Variants in SULT6B1 observed in about 807,000 individuals in gnomAD.
SULT6B1 encodes the protein sulfotransferase 6B1.
In SULT6B1, 44 loss-of-function variants were observed where a neutral mutation model predicts 37.2. That is an observed-to-expected ratio of 1.18 (90% CI 0.93 to 1.52). SULT6B1 has a LOEUF of 1.52. Among genes scored for constraint, SULT6B1 ranks in the 40% most tolerant of loss-of-function variants. The probability of loss-of-function intolerance (pLI) is 0.00; values close to 1 mark genes in which losing one functional copy is unlikely to be tolerated. For missense variants in SULT6B1, 450 were observed against 361.0 expected, an observed-to-expected ratio of 1.25 and a Z score of -2.00; for synonymous variants, 140 against 126.0, an observed-to-expected ratio of 1.11 and a Z score of -0.74.
intron 4 of SULT6B1, among the ~76,000 whole-genome samples, chr2:37,178,965 G>T (rs769733267): frequency 1.3e-5 from 2 of 151,928 alleles, no homozygotes; most frequent in Non-Finnish European, 2.9e-5. Context: ...TTGTTTGTTT[G>T]TTTGTTTGTT....
chr2:37,184,347 A>T (rs1019572307), intron 2 of SULT6B1, among the ~76,000 whole-genome samples: 2 of 152,236 alleles, frequency 1.3e-5, no homozygotes, highest in Admixed American at 6.5e-5. Context: ...TTATGAGAGA[A>T]ATTCTTGTCA....
chr2:37,179,657 T>C lies in SULT6B1; in HGVS notation c.403-73A>G, dbSNP rs139753290. The C allele has an allele frequency of 3.2e-4, 419 of 1,328,904 alleles. 1 individual carries two copies. In the African/African-American group the frequency reaches 5.0e-3, roughly 16 times the overall value. The allele number at this position is 1,328,904 out of a possible 1,614,324, so 82.3% of individuals were successfully genotyped here. ...TTTGGAAAATTAAAAGGGTGAGCAA[T>C]ATCATCATGTCCACTCGTATATTAC... is the stretch of plus-strand genomic sequence containing the variant. On this transcript the variant is annotated intron_variant, in intron 3 of 6. Transcript: ENST00000535679.
chr2:37,178,076 C>A (rs1366274393), intron 4 of SULT6B1, among the ~76,000 whole-genome samples: 1 of 152,120 alleles, frequency 6.6e-6, no homozygotes, highest in African/African-American at 2.4e-5. Flanking sequence ...GAGTTTCTCA[C>A]TCTTGTTGCC....
chr2:37,173,941 C>T (rs1054537943), intron 5 of SULT6B1, among the ~76,000 whole-genome samples: 1 of 152,292 alleles, frequency 6.6e-6, no homozygotes, highest in Non-Finnish European at 1.5e-5. Context: ...TCAAATCCCA[C>T]GATGGCTTCC....
At chr2:37,170,885 T>A (rs982254885) in intron 6 of SULT6B1, among the ~76,000 whole-genome samples, 17 of 152,168 alleles carry the variant, frequency 1.1e-4, no homozygotes, top group African/African-American at 3.6e-4. Flanking sequence ...TCAGCTGCTA[T>A]CTTGTTTTCA....
chr2:37,177,955 G>C (rs1676466853), intron 4 of SULT6B1, among the ~76,000 whole-genome samples: 1 of 152,116 alleles, frequency 6.6e-6, no homozygotes, highest in Non-Finnish European at 1.5e-5. Context: ...AGACTCAAAA[G>C]AGCCACTAAA....
At chr2:37,177,473 A>C (rs1275108265) in intron 4 of SULT6B1, among the ~76,000 whole-genome samples, 1 of 145,032 alleles carries the variant, frequency 6.9e-6, no homozygotes, top group Non-Finnish European at 1.5e-5. Context: ...GCATGTTTTC[A>C]CTTATATGTG....
At chr2:37,176,978 T>C (rs748126212) in intron 4 of SULT6B1, among the ~76,000 whole-genome samples, 2 of 152,044 alleles carry the variant, frequency 1.3e-5, no homozygotes, top group Non-Finnish European at 2.9e-5. Flanking sequence ...TCAGGGTGTA[T>C]TGCAAAAAGT....
chr2:37,176,239 C>T (rs921765634), intron 4 of SULT6B1, among the ~76,000 whole-genome samples: 1 of 146,552 alleles, frequency 6.8e-6, no homozygotes, highest in African/African-American at 2.5e-5. Flanking sequence ...ACAGTGCCTG[C>T]TTCATAGTAA....
chr2:37,180,716 G>A (rs534201326), intron 3 of SULT6B1, among the ~76,000 whole-genome samples: 2 of 152,102 alleles, frequency 1.3e-5, no homozygotes, highest in East Asian at 3.9e-4. Context: ...AAACCCTGGT[G>A]CTACTAAAAA....
At position 37,195,835 on chromosome 2, in the gene SULT6B1, T is replaced by C. The variant is rs867839759; in HGVS notation, c.-22+681A>G. 5.2e-3 allele frequency among the ~76,000 whole-genome samples: 788 copies of C among 152,288 alleles called. 7 individuals are homozygous for C. Among genetic ancestry groups the C allele is most frequent in the African/African-American group, 0.018 (748 of 41,564 alleles). On this transcript the variant is annotated intron_variant, in intron 1 of 7. Coordinates refer to the SULT6B1 transcript ENST00000407963. Reference sequence around the variant, plus strand: ...GATTCAGTAGTTCTGCATTTTTTTTTTTTTGAGACAAAGTCTCACTCTGTC... The same window carrying C: ...GATTCAGTAGTTCTGCATTTTTTTTCTTTTGAGACAAAGTCTCACTCTGTC...
At chr2:37,169,861 G>T (rs190211490) in intron 6 of SULT6B1, among the ~76,000 whole-genome samples, 8 of 152,236 alleles carry the variant, frequency 5.3e-5, no homozygotes, top group Admixed American at 5.2e-4. Context: ...ATAGATGCCT[G>T]CTGTTAGCTG....
chr2:37,185,538 G>A (rs1319780470), intron 2 of SULT6B1, among the ~76,000 whole-genome samples: 2 of 151,800 alleles, frequency 1.3e-5, no homozygotes, highest in South Asian at 2.1e-4. Flanking sequence ...CCAACATGAC[G>A]AAACCCCGTC....
In SULT6B1 at chr2:37,171,832, T is replaced by C. The variant is rs181494609; in HGVS notation, c.625-242A>G. On this transcript the variant is annotated intron_variant, in intron 5 of 6. Transcript: ENST00000535679. ...TCTTGTTGAACTTACCAGATAATAG[T>C]TTTTAGCATGTAAATAATGACAGTA... 2.3e-3 allele frequency among the ~76,000 whole-genome samples: 344 copies of C among 152,270 alleles called. 2 individuals carry two copies. The highest frequency in any genetic ancestry group is 7.9e-3 in the African/African-American group (328 of 41,560).
In SULT6B1 at chr2:37,167,984, C is replaced by T; in HGVS notation, c.863G>A (p.Gly288Asp). ...MDEKFKECLAGTSLGAKLKYE... is the reference protein window; with the variant it reads ...MDEKFKECLADTSLGAKLKYE... ...CTTCAACTTTGCTCCGAGGGAGGTG[C>T]CTGCTAAGCACTCTTTGAATTTTTC... The change falls in exon 7 of 7, where the codon GGC (glycine) becomes GAC (aspartate). Residue 288 changes from glycine to aspartate, a missense_variant. Physicochemically the swap from Gly to Asp is moderately conservative, Grantham distance 94. Coordinates refer to ENST00000535679, the MANE Select transcript of SULT6B1 (RefSeq NM_001367551.1). 1.9e-6 allele frequency: 3 copies of T among 1,599,584 alleles called. No homozygotes were observed. Among genetic ancestry groups the T allele is most frequent in the African/African-American group, 1.3e-5 (1 of 74,192 alleles).
intron 4 of SULT6B1, among the ~76,000 whole-genome samples, chr2:37,175,910 T>G (rs1217843486): frequency 6.6e-6 from 1 of 152,268 alleles, no homozygotes; most frequent in Non-Finnish European, 1.5e-5. Flanking sequence ...CATACGCAAC[T>G]TATTACACTT....
intron 1 of SULT6B1, chr2:37,195,948 G>C (rs1456257250): frequency 6.6e-6 from 1 of 152,060 alleles, no homozygotes; most frequent in Non-Finnish European, 1.5e-5. Flanking sequence ...CAGCCTCCCC[G>C]GTAGCTGGGA....
chr2:37,182,705 A>G (rs1483459404), intron 3 of SULT6B1, among the ~76,000 whole-genome samples: 1 of 152,186 alleles, frequency 6.6e-6, no homozygotes, highest in African/African-American at 2.4e-5. Flanking sequence ...CCAAGAAATA[A>G]GGAACAGAGG....
intron 1 of SULT6B1, chr2:37,194,343 G>A (rs1294917007): frequency 1.4e-5 from 4 of 286,332 alleles, no homozygotes; most frequent in African/African-American, 2.3e-5. Context: ...GCCTCCCAAA[G>A]TGCTGGGGTT....
Sources: allele counts gnomAD v4.1 joint callset (sites outside exome capture counted in the v4.1 genomes callset), GRCh38; gene constraint gnomAD v4.1.1; transcripts MANE v1.5; gene names NCBI Gene and HGNC (gene_info 2026-07-23, HGNC 2026-07-21).